Variants in PCSK6 observed in about 807,000 individuals in gnomAD.
PCSK6 encodes the protein proprotein convertase subtilisin/kexin type 6.
PCSK6 carries 85 observed loss-of-function variants against 123.3 expected under a neutral mutation model. The ratio of observed to expected loss-of-function variants is 0.69; its 90% confidence interval spans 0.58 to 0.83. The LOEUF (loss-of-function observed/expected upper bound fraction) is 0.83, where lower values mean the gene tolerates loss of function less well. Ranked by LOEUF, PCSK6 falls within the 40% of genes least tolerant of loss-of-function variation. The pLI is 0.00. For missense variants in PCSK6, 1,191 were observed against 1,282.3 expected (o/e 0.93, Z 1.09); for synonymous variants, 508 against 516.0 (o/e 0.98, Z 0.21).
chr15:101,470,820 G>A (rs144161327), intron 1 of PCSK6, among the ~76,000 whole-genome samples: 3 of 152,170 alleles, frequency 2.0e-5, no homozygotes, highest in Admixed American at 2.0e-4. Flanking sequence ...GACATAGGAC[G>A]CCTGTCCGTT....
intron 6 of PCSK6, among the ~76,000 whole-genome samples, chr15:101,399,914 T>A (rs1198592832): frequency 6.6e-6 from 1 of 152,236 alleles, no homozygotes; most frequent in Admixed American, 6.5e-5. Flanking sequence ...ATCTTAGAGC[T>A]ATTTAAGACG....
At chr15:101,483,387 T>G (rs1301022258) in intron 1 of PCSK6, among the ~76,000 whole-genome samples, 1 of 152,242 alleles carries the variant, frequency 6.6e-6, no homozygotes, top group African/African-American at 2.4e-5. Flanking sequence ...TCCTGCTCAG[T>G]AGCTATTTTA....
intron 15 of PCSK6, among the ~76,000 whole-genome samples, chr15:101,329,707 G>A (rs944126995): frequency 6.6e-6 from 1 of 152,226 alleles, no homozygotes; most frequent in Non-Finnish European, 1.5e-5. Context: ...TTGCAGTCCT[G>A]TGTGGATGAC....
At chr15:101,400,839 A>G (rs1281921428) in intron 6 of PCSK6, among the ~76,000 whole-genome samples, 3 of 152,272 alleles carry the variant, frequency 2.0e-5, no homozygotes, top group Non-Finnish European at 4.4e-5. Flanking sequence ...AGGAATTTGA[A>G]GATGATTTCG....
intron 9 of PCSK6, among the ~76,000 whole-genome samples, chr15:101,388,320 G>A (rs897404824): frequency 1.3e-5 from 2 of 152,304 alleles, no homozygotes; most frequent in South Asian, 2.1e-4. Context: ...GCAAACACAC[G>A]TAATTACAAG....
intron 1 of PCSK6, among the ~76,000 whole-genome samples, chr15:101,447,621 G>A (rs2056924514): frequency 6.6e-6 from 1 of 152,208 alleles, no homozygotes; most frequent in South Asian, 2.1e-4. Flanking sequence ...CTCAGGAAGG[G>A]GGCGGCCTAA....
intron 1 of PCSK6, among the ~76,000 whole-genome samples, chr15:101,481,163 C>T (rs901484409): frequency 6.6e-6 from 1 of 152,176 alleles, no homozygotes; most frequent in African/African-American, 2.4e-5. Flanking sequence ...AGCCCAGAGC[C>T]CAGTGTCAGA....
rs113578919 is a variant in PCSK6 at position 101,466,676 on chromosome 15, T to C, written c.297+22698A>G. Among the ~76,000 whole-genome samples, 1,360 of 152,318 alleles carry C rather than the reference T, an allele frequency of 8.9e-3. 20 individuals carry two copies. Among genetic ancestry groups the C allele is most frequent in the African/African-American group, 0.028 (1,157 of 41,574 alleles). ...GAATGTTATCTGGTGATAAAAATCA[T>C]GACATATTAATACATGTTATAAAAT... On this transcript the variant is annotated intron_variant, in intron 1 of 21. Transcript: ENST00000611716.
chr15:101,320,065 G>C (rs1356001358), intron 18 of PCSK6, among the ~76,000 whole-genome samples: 1 of 152,014 alleles, frequency 6.6e-6, no homozygotes, highest in Non-Finnish European at 1.5e-5. Flanking sequence ...AGTAGCGTCA[G>C]AATTGAGCTA....
At chr15:101,389,132 C>T (rs1185801309) in intron 9 of PCSK6, among the ~76,000 whole-genome samples, 1 of 152,200 alleles carries the variant, frequency 6.6e-6, no homozygotes, top group Non-Finnish European at 1.5e-5. Flanking sequence ...CAAGAAGACA[C>T]CAACCCTGCT....
chr15:101,489,436 G>C lies in PCSK6; in HGVS notation c.235C>G (p.Leu79Val). 7.9e-7 allele frequency: 1 copy of C among 1,263,360 alleles called. No individual in the cohort carries two copies. The highest frequency in any genetic ancestry group is 1.0e-6 in the Non-Finnish European group (1 of 991,344). 78.3% of individuals were successfully genotyped at this position (1,263,360 alleles called of 1,614,324 possible). A position where few individuals can be genotyped will look rare whatever the true frequency, so the allele number is the denominator to read the frequency against. ...CGGTCCGCCTCGGCCGGGCCGCCCA[G>C]CACTTGCACCGCCCAGTGGTTGGTG... ...VYTNHWAVQV[L>V]GGPAEADRVA... Residue 79 changes from leucine to valine, a missense_variant, in exon 1 of 22, where the codon CTG (leucine) becomes GTG (valine). Coordinates refer to ENST00000611716, the MANE Select transcript of PCSK6 (RefSeq NM_002570.5).
intron 5 of PCSK6, among the ~76,000 whole-genome samples, chr15:101,428,369 C>CTG (rs1049146466): frequency 3.3e-5 from 5 of 152,190 alleles, no homozygotes; most frequent in African/African-American, 1.2e-4. Flanking sequence ...CTCGTGTCTC[C>CTG]TGTGGCTGGC....
At chr15:101,479,367 T>A (rs2057811556) in intron 1 of PCSK6, among the ~76,000 whole-genome samples, 1 of 152,112 alleles carries the variant, frequency 6.6e-6, no homozygotes, top group East Asian at 1.9e-4. Context: ...AAGTGAAGGG[T>A]TCTGGGTGAG....
intron 1 of PCSK6, among the ~76,000 whole-genome samples, chr15:101,476,660 C>T (rs976043831): frequency 6.6e-6 from 1 of 151,542 alleles, no homozygotes; most frequent in Non-Finnish European, 1.5e-5. Context: ...AATGTGTGAA[C>T]AGTGGTGACA....
At chr15:101,388,889 C>T (rs1401480886) in intron 9 of PCSK6, among the ~76,000 whole-genome samples, 1 of 152,084 alleles carries the variant, frequency 6.6e-6, no homozygotes, top group East Asian at 1.9e-4. Context: ...TTGCCAGAGG[C>T]TAGGGCGGGG....
chr15:101,487,622 A>C (rs1391676929), intron 1 of PCSK6, among the ~76,000 whole-genome samples: 2 of 152,164 alleles, frequency 1.3e-5, no homozygotes, highest in African/African-American at 4.8e-5. Context: ...TAATTTTAGA[A>C]TCCCAAAACC....
chr15:101,417,653 TATTTA>T (rs1230983436), intron 6 of PCSK6, among the ~76,000 whole-genome samples: 2 of 152,180 alleles, frequency 1.3e-5, no homozygotes, highest in Non-Finnish European at 1.5e-5. Flanking sequence ...TATGATTATT[TATTTA>T]TTTATTAGAA....
intron 13 of PCSK6, among the ~76,000 whole-genome samples, chr15:101,341,695 C>T (rs1180275743): frequency 1.3e-5 from 2 of 152,112 alleles, no homozygotes; most frequent in East Asian, 3.8e-4. Context: ...AAAGTCCTTG[C>T]CAGAAGCCCA....
At chr15:101,423,893 G>A (rs1197892696) in intron 6 of PCSK6, among the ~76,000 whole-genome samples, 2 of 152,146 alleles carry the variant, frequency 1.3e-5, no homozygotes, top group Non-Finnish European at 2.9e-5. Flanking sequence ...AGAGCCACAG[G>A]CAAAGCACAG....
Sources: gnomAD v4.1 joint callset for allele counts (sites outside exome capture counted in the v4.1 genomes callset) on GRCh38, gnomAD v4.1.1 for gene constraint, MANE v1.5 for transcripts, NCBI Gene and HGNC (gene_info 2026-07-23, HGNC 2026-07-21) for gene names.